Variants in TFEC observed in about 807,000 individuals in gnomAD.
TFEC encodes the protein transcription factor EC.
A neutral mutation model predicts 41.6 loss-of-function variants in TFEC; 31 were observed. The observed-to-expected ratio is 0.74, with a 90% CI of 0.56 to 1.01. TFEC has a LOEUF of 1.01. TFEC is among the 50% of genes least tolerant of loss of function. The probability of loss-of-function intolerance (pLI) is 0.00; values close to 1 mark genes in which losing one functional copy is unlikely to be tolerated. For missense variants in TFEC, 402 were observed against 404.1 expected (o/e 0.99, Z 0.04); for synonymous variants, 143 against 140.6 (o/e 1.02, Z -0.12).
intron 2 of TFEC, among the ~76,000 whole-genome samples, chr7:115,976,652 T>C (rs967969856): frequency 6.6e-6 from 1 of 152,186 alleles, no homozygotes; most frequent in Non-Finnish European, 1.5e-5. Flanking sequence ...TTGATTGTTA[T>C]TAAACTTGAA....
Position 116,074,239 on chromosome 7 carries a change from GAC to G in TFEC, c.198+36467_198+36468del, listed in dbSNP as rs775211821. Among the ~76,000 whole-genome samples the G allele has an allele frequency of 4.6e-5, 7 of 150,858 alleles. No homozygotes were observed. The East Asian group carries it at 5.8e-4, about 13-fold the overall frequency. On this transcript the variant is annotated intron_variant, in intron 3 of 8. Transcript: ENST00000484212. ...GTGTGCATGCATACACACACACACA[GAC>G]ACACACACACATATATAAATGGACT...
chr7:116,020,290 A>T (rs2130851570), intron 1 of TFEC, among the ~76,000 whole-genome samples: 1 of 152,296 alleles, frequency 6.6e-6, no homozygotes, highest in Non-Finnish European at 1.5e-5. Context: ...TGTGCAGAGG[A>T]GGGAGCAATC....
At chr7:115,973,185 T>G (rs963448443) in intron 3 of TFEC, among the ~76,000 whole-genome samples, 6 of 151,964 alleles carry the variant, frequency 3.9e-5, no homozygotes, top group Non-Finnish European at 5.9e-5. Flanking sequence ...ACTAGCACTA[T>G]GTGGAGGTCC....
intron 3 of TFEC, among the ~76,000 whole-genome samples, chr7:116,085,711 A>G (rs966611115): frequency 5.9e-5 from 9 of 151,950 alleles, no homozygotes; most frequent in Admixed American, 1.3e-4. Context: ...AAATGAAATT[A>G]TTACCTCCAC....
intron 3 of TFEC, among the ~76,000 whole-genome samples, chr7:116,047,587 GAAC>G (rs1796200326): frequency 6.6e-6 from 1 of 152,170 alleles, no homozygotes; most frequent in Non-Finnish European, 1.5e-5. Flanking sequence ...GGGCATAGCT[GAAC>G]AAAAGGCAGC....
intron 1 of TFEC, among the ~76,000 whole-genome samples, chr7:116,158,067 T>C (rs1442470028): frequency 6.6e-6 from 1 of 152,176 alleles, no homozygotes; most frequent in Non-Finnish European, 1.5e-5. Flanking sequence ...CTTTATTGTG[T>C]TATTCTATAT....
intron 3 of TFEC, among the ~76,000 whole-genome samples, chr7:116,099,925 T>G (rs1201573144): frequency 6.6e-6 from 1 of 152,240 alleles, no homozygotes; most frequent in Non-Finnish European, 1.5e-5. Flanking sequence ...TAAAAGCCTT[T>G]CATAATGATT....
intron 1 of TFEC, among the ~76,000 whole-genome samples, chr7:115,987,755 T>C (rs1193081398): frequency 6.6e-6 from 1 of 152,044 alleles, no homozygotes; most frequent in Non-Finnish European, 1.5e-5. Flanking sequence ...TTATATGTGC[T>C]CATATAAACA....
At chr7:116,002,314 T>C (rs1562926435) in intron 1 of TFEC, among the ~76,000 whole-genome samples, 1 of 152,144 alleles carries the variant, frequency 6.6e-6, no homozygotes, top group Non-Finnish European at 1.5e-5. Flanking sequence ...GAAAATGTGG[T>C]ACATATACAC....
At chr7:116,039,433 GTGTGTGTGTGTGTGTGTC>G (rs1795983358) in intron 3 of TFEC, among the ~76,000 whole-genome samples, 2 of 101,972 alleles carry the variant, frequency 2.0e-5, no homozygotes, top group Admixed American at 1.0e-4. Flanking sequence ...GTGTGTGTGT[GTGTGTGTGTGTGTGTGTC>G]TGTGTGTGTG....
chr7:116,022,946 C>A (rs1795453941), intron 1 of TFEC, among the ~76,000 whole-genome samples: 1 of 152,048 alleles, frequency 6.6e-6, no homozygotes, highest in Admixed American at 6.6e-5. Context: ...AATTATATGA[C>A]CTGTCTGTGA....
intron 5 of TFEC, 65 bp downstream of exon 5, chr7:115,954,521 C>T: frequency 7.4e-7 from 1 of 1,353,612 alleles, no homozygotes; most frequent in Non-Finnish European, 1.0e-6. Flanking sequence ...TAATAAAAGA[C>T]CACACACCTT....
intron 2 of TFEC, among the ~76,000 whole-genome samples, chr7:115,983,585 G>A (rs1793722863): frequency 6.6e-6 from 1 of 152,086 alleles, no homozygotes; most frequent in Non-Finnish European, 1.5e-5. Flanking sequence ...AACATTAAAG[G>A]AAGTCTTTTT....
At chr7:116,034,570 A>G (rs1487841233), upstream of TFEC, among the ~76,000 whole-genome samples, 1 of 151,810 alleles carries the variant, frequency 6.6e-6, no homozygotes, top group East Asian at 1.9e-4. Flanking sequence ...TCCAACTTCC[A>G]TTGCTATTAT....
chr7:116,097,942 CAG>C (rs1433476828), intron 3 of TFEC, among the ~76,000 whole-genome samples: 1 of 152,014 alleles, frequency 6.6e-6, no homozygotes, highest in African/African-American at 2.4e-5. Flanking sequence ...GAATGAGAAA[CAG>C]AGTGAGTGAA....
rs552449867 is a variant in TFEC at position 115,938,598 on chromosome 7, A to C, written c.*1953T>G. ...AATGATACAAGCTAAGCCTGAGATAATTATTATACCATAATGATTTACTAT... is the reference window on the plus strand; with the variant it reads ...AATGATACAAGCTAAGCCTGAGATACTTATTATACCATAATGATTTACTAT... On this transcript the variant is annotated 3_prime_UTR_variant, in exon 8 of 8. Transcript: ENST00000265440. 2 of 151,908 alleles carry C rather than the reference A, an allele frequency of 1.3e-5. No individual in the cohort carries two copies. Among genetic ancestry groups the C allele is most frequent in the Non-Finnish European group, 2.9e-5 (2 of 67,906 alleles). 9.4% of individuals were successfully genotyped at this position (151,908 alleles called of 1,614,324 possible). A position where few individuals can be genotyped will look rare whatever the true frequency, so the allele number is the denominator to read the frequency against.
intron 1 of TFEC, among the ~76,000 whole-genome samples, chr7:116,005,837 G>A (rs1381830590): frequency 6.6e-6 from 1 of 152,154 alleles, no homozygotes; most frequent in Non-Finnish European, 1.5e-5. Flanking sequence ...TGGTTTCCTG[G>A]GCCAGTCCCA....
chr7:115,944,081 A>G (rs934431440), intron 6 of TFEC, among the ~76,000 whole-genome samples: 4 of 101,268 alleles, frequency 3.9e-5, no homozygotes, highest in Non-Finnish European at 7.6e-5. Flanking sequence ...AAGTTTTGTC[A>G]GGTCTCGTAT....
intron 3 of TFEC, among the ~76,000 whole-genome samples, chr7:116,086,098 T>C (rs1584497416): frequency 6.6e-6 from 1 of 151,896 alleles, no homozygotes; most frequent in South Asian, 2.1e-4. Context: ...TATTGAGATA[T>C]TAAGCTACTT....
Sources: allele counts gnomAD v4.1 joint callset (sites outside exome capture counted in the v4.1 genomes callset), GRCh38; gene constraint gnomAD v4.1.1; transcripts MANE v1.5; gene names NCBI Gene and HGNC (gene_info 2026-07-23, HGNC 2026-07-21).